SLAMF6: variants seen among roughly 807,000 people sequenced by gnomAD.
SLAMF6 encodes SLAM family member 6.
In SLAMF6, 21 loss-of-function variants were observed where a neutral mutation model predicts 38.3. The observed-to-expected ratio is 0.55, with a 90% CI of 0.39 to 0.79. SLAMF6 has a LOEUF of 0.79. Ranked by LOEUF, SLAMF6 falls within the 30% of genes least tolerant of loss-of-function variation. The pLI, the probability that SLAMF6 is intolerant of heterozygous loss-of-function variation, is 0.00. For missense variants in SLAMF6, 341 were observed against 385.3 expected (o/e 0.89, Z 0.96); for synonymous variants, 152 against 146.3 (o/e 1.04, Z -0.28).
rs1401154374 is a variant in SLAMF6, at chr1:160,523,197, T to C, written c.-5A>G. On this transcript the variant is annotated 5_prime_UTR_variant, in exon 1 of 8. Transcript: ENST00000368057. ...CGATTGGAACAGCCACAACATGCTT[T>C]CCGCGGTGAAGACTGGTGCTTGAGA... 1 of 1,613,720 alleles carries C rather than the reference T, an allele frequency of 6.2e-7. No homozygotes were observed. The highest frequency in any genetic ancestry group is 1.1e-5 in the South Asian group (1 of 90,996).
At chr1:160,497,809 T>C (rs1262528135) in intron 1 of SLAMF6, among the ~76,000 whole-genome samples, 1 of 152,176 alleles carries the variant, frequency 6.6e-6, no homozygotes, top group Non-Finnish European at 1.5e-5. Context: ...AAAGACATGA[T>C]TTAATTCTTT....
At chr1:160,495,851 G>A (rs1158665083) in intron 2 of SLAMF6, among the ~76,000 whole-genome samples, 1 of 152,176 alleles carries the variant, frequency 6.6e-6, no homozygotes, top group Non-Finnish European at 1.5e-5. Flanking sequence ...TCGGAGTGAA[G>A]TAATTCTGGG....
chr1:160,492,042 C>G (rs551126698), intron 2 of SLAMF6, among the ~76,000 whole-genome samples: 1 of 152,098 alleles, frequency 6.6e-6, no homozygotes, highest in Non-Finnish European at 1.5e-5. Context: ...AGCAAGCAAG[C>G]AATTCTGGGG....
intron 1 of SLAMF6, among the ~76,000 whole-genome samples, chr1:160,520,557 T>C (rs1000238990): frequency 2.0e-5 from 3 of 152,316 alleles, no homozygotes; most frequent in Admixed American, 2.0e-4. Flanking sequence ...ACTTTCCATC[T>C]ATAAAAATCA....
intron 1 of SLAMF6, 31 bp from the exon 2 acceptor site, chr1:160,496,424 T>C (rs1377983207): frequency 1.2e-6 from 2 of 1,600,612 alleles, no homozygotes; most frequent in South Asian, 2.2e-5. Flanking sequence ...GTTTTAAAAA[T>C]GTTCCTGACC....
intron 2 of SLAMF6, among the ~76,000 whole-genome samples, chr1:160,492,743 C>T (rs1222026438): frequency 1.3e-5 from 2 of 152,230 alleles, no homozygotes; most frequent in South Asian, 2.1e-4. Flanking sequence ...TTTTACCCAT[C>T]TGACTTGTTG....
chr1:160,496,525 G>A, intron 1 of SLAMF6, 132 bp from the exon 2 acceptor site: 1 of 839,252 alleles, frequency 1.2e-6, no homozygotes, highest in Middle Eastern at 2.3e-4. Context: ...GACAGAGTAG[G>A]AAAGGGTAGG....
At chr1:160,517,788 G>T (rs1571318177) in intron 1 of SLAMF6, among the ~76,000 whole-genome samples, 1 of 152,308 alleles carries the variant, frequency 6.6e-6, no homozygotes, top group South Asian at 2.1e-4. Flanking sequence ...TCACTTGTAA[G>T]TGGGAGCTGA....
chr1:160,493,370 T>A (rs980217318), intron 2 of SLAMF6, among the ~76,000 whole-genome samples: 1 of 152,216 alleles, frequency 6.6e-6, no homozygotes, highest in African/African-American at 2.4e-5. Flanking sequence ...TCTTTTAAAA[T>A]TGTCCCCTGC....
rs773487962 is a variant in SLAMF6 at position 160,490,248 on chromosome 1, A to C, written c.758-12T>G. On this transcript the variant is annotated splice_polypyrimidine_tract_variant and intron_variant, in intron 4 of 7. Transcript: ENST00000368057. The stretch of plus-strand genomic sequence containing the variant: ...CAAAGATAGGGAATCTGAAAAATAA[A>C]ACCAGAAAATTGAAATGTGTGACAG... 1 of 1,613,520 alleles carries C rather than the reference A, an allele frequency of 6.2e-7. No individual in the cohort carries two copies. Among genetic ancestry groups the C allele is most frequent in the South Asian group, 1.1e-5 (1 of 91,056 alleles).
At chr1:160,498,946 G>C (rs1427679157) in intron 1 of SLAMF6, among the ~76,000 whole-genome samples, 1 of 152,082 alleles carries the variant, frequency 6.6e-6, no homozygotes, top group Non-Finnish European at 1.5e-5. Flanking sequence ...GCTCCTTATA[G>C]ATTCTGGATA....
At chr1:160,498,719 A>G (rs1653725549) in intron 1 of SLAMF6, among the ~76,000 whole-genome samples, 1 of 151,858 alleles carries the variant, frequency 6.6e-6, no homozygotes, top group African/African-American at 2.4e-5. Context: ...ACCAGCATCT[A>G]TTGTGTTCTT....
chr1:160,495,961 C>A, intron 2 of SLAMF6, 100 bp downstream of exon 2: 5 of 1,095,586 alleles, frequency 4.6e-6, no homozygotes, highest in Non-Finnish European at 6.6e-6. Flanking sequence ...ATGCCATATT[C>A]TTTACCACTA....
chr1:160,500,157 A>G (rs770333564), intron 1 of SLAMF6, among the ~76,000 whole-genome samples: 2 of 152,174 alleles, frequency 1.3e-5, no homozygotes, highest in African/African-American at 2.4e-5. Flanking sequence ...GGCTACACAG[A>G]TTTGTTCATT....
intron 1 of SLAMF6, among the ~76,000 whole-genome samples, chr1:160,517,913 T>C (rs1041284298): frequency 6.6e-6 from 1 of 152,042 alleles, no homozygotes; most frequent in South Asian, 2.1e-4. Context: ...CTGGGCTTAA[T>C]ACCTAGGTGA....
intron 4 of SLAMF6, 135 bp from the exon 5 acceptor site, chr1:160,490,371 C>T (rs113525480): frequency 1.6e-4 from 227 of 1,423,510 alleles, no homozygotes; most frequent in African/African-American, 1.5e-3. Flanking sequence ...CAGGGTCCCA[C>T]TTTTCCCAGT....
rs369657278 is a variant in SLAMF6, at chr1:160,511,856, G to A, written c.49+11288C>T. Among the ~76,000 whole-genome samples, 8 of 152,292 alleles carry A rather than the reference G, an allele frequency of 5.3e-5. No homozygotes were observed. The East Asian group carries it at 1.5e-3, about 29-fold the overall frequency. ...ACTAGGTGGTTGGCATGACCCACAG[G>A]GAGTGAGGAAAACAGGGTGGAACAA... On this transcript the variant is annotated intron_variant, in intron 1 of 7. Transcript: ENST00000368057.
chr1:160,518,525 T>C (rs1000331179), intron 1 of SLAMF6, among the ~76,000 whole-genome samples: 4 of 152,076 alleles, frequency 2.6e-5, no homozygotes, highest in African/African-American at 9.7e-5. Flanking sequence ...TCAACCCAAA[T>C]GCCCATCAAT....
intron 1 of SLAMF6, among the ~76,000 whole-genome samples, chr1:160,517,131 C>G (rs867327324): frequency 6.6e-5 from 10 of 152,022 alleles, no homozygotes; most frequent in Admixed American, 3.3e-4. Flanking sequence ...GTCTAATATC[C>G]AGATTCTACA....
Sources: gnomAD v4.1 joint callset for allele counts (sites outside exome capture counted in the v4.1 genomes callset) on GRCh38, gnomAD v4.1.1 for gene constraint, MANE v1.5 for transcripts, NCBI Gene and HGNC (gene_info 2026-07-23, HGNC 2026-07-21) for gene names.